Variants in AUTS2 observed in about 807,000 individuals in gnomAD.
AUTS2 encodes autism susceptibility gene 2 protein.
A neutral mutation model predicts 112.4 loss-of-function variants in AUTS2; 17 were observed. That is an observed-to-expected ratio of 0.15 (90% CI 0.10 to 0.23). The LOEUF (loss-of-function observed/expected upper bound fraction) is 0.23, where lower values mean the gene tolerates loss of function less well. AUTS2 is among the 10% of genes least tolerant of loss of function. AUTS2 has a pLI of 1.00. For missense variants in AUTS2, 1,510 were observed against 1,701.6 expected (o/e 0.89, Z 1.98); for synonymous variants, 751 against 702.7 (o/e 1.07, Z -1.09).
intron 1 of AUTS2, among the ~76,000 whole-genome samples, chr7:69,689,343 A>ATTTTTTT (rs530444257): frequency 5.4e-4 from 55 of 102,494 alleles, no homozygotes; most frequent in Non-Finnish European, 8.6e-4. Flanking sequence ...TAATTAATTA[A>ATTTTTTT]TTTTTTTTTT....
At chr7:70,604,921 A>T (rs1803651684) in intron 5 of AUTS2, among the ~76,000 whole-genome samples, 1 of 152,214 alleles carries the variant, frequency 6.6e-6, no homozygotes, top group South Asian at 2.1e-4. Flanking sequence ...CTTAATAATT[A>T]TTGCCATTCT....
At chr7:70,166,996 C>T (rs550632644) in intron 4 of AUTS2, among the ~76,000 whole-genome samples, 4 of 152,242 alleles carry the variant, frequency 2.6e-5, no homozygotes, top group Admixed American at 6.5e-5. Flanking sequence ...CTTTAGAAGT[C>T]GGCTGGATCA....
intron 1 of AUTS2, among the ~76,000 whole-genome samples, chr7:69,645,532 C>G (rs959577012): frequency 2.0e-5 from 3 of 152,150 alleles, no homozygotes; most frequent in African/African-American, 7.2e-5. Context: ...TCAATGTTTT[C>G]AGTAATTTTG....
intron 2 of AUTS2, among the ~76,000 whole-genome samples, chr7:70,051,291 G>A (rs1801742244): frequency 6.6e-6 from 1 of 152,308 alleles, no homozygotes; most frequent in South Asian, 2.1e-4. Context: ...TTTGTCTCCT[G>A]AATAAATCTG....
At position 69,752,541 on chromosome 7, in the gene AUTS2, C is replaced by T. The variant is rs186535084; in HGVS notation, c.310-146745C>T. Among the ~76,000 whole-genome samples, 11 of 152,238 alleles carry T rather than the reference C, an allele frequency of 7.2e-5. No individual in the cohort carries two copies. The East Asian group carries it at 1.5e-3, about 21-fold the overall frequency. ...TAAGTTTAAGGCTTTTAATCAATGC[C>T]GCTTGCACTCAGTATTTAAGGTCAG... On this transcript the variant is annotated intron_variant, in intron 1 of 18. Transcript: ENST00000342771.
chr7:70,252,451 G>C (rs536788390), intron 4 of AUTS2, among the ~76,000 whole-genome samples: 1 of 152,058 alleles, frequency 6.6e-6, no homozygotes, highest in South Asian at 2.1e-4. Flanking sequence ...TGGGTTATTT[G>C]TTTTATTGCT....
chr7:69,634,217 T>C (rs2851491), intron 1 of AUTS2, among the ~76,000 whole-genome samples: 92,672 of 150,818 alleles, frequency 0.61, 28,804 homozygotes, highest in East Asian at 0.7. Context: ...CCTCCCGGGT[T>C]CACGCCATTC....
chr7:70,311,226 C>T (rs1215038170), intron 4 of AUTS2, among the ~76,000 whole-genome samples: 3 of 152,156 alleles, frequency 2.0e-5, no homozygotes, highest in Non-Finnish European at 4.4e-5. Flanking sequence ...GCTGATCTTA[C>T]ATGATGTGAG....
At chr7:70,089,090 C>T in intron 2 of AUTS2, among the ~76,000 whole-genome samples, 1 of 152,102 alleles carries the variant, frequency 6.6e-6, no homozygotes, top group East Asian at 1.9e-4. Context: ...GCTGAATGTT[C>T]TATAAATGTC....
At chr7:69,806,843 G>T (rs1693174591) in intron 1 of AUTS2, among the ~76,000 whole-genome samples, 1 of 152,174 alleles carries the variant, frequency 6.6e-6, no homozygotes, top group African/African-American at 2.4e-5. Flanking sequence ...CCAAGTTAAA[G>T]AATTGTCATG....
intron 2 of AUTS2, among the ~76,000 whole-genome samples, chr7:69,961,181 C>T (rs1337976962): frequency 2.6e-5 from 4 of 152,106 alleles, no homozygotes; most frequent in Non-Finnish European, 5.9e-5. Context: ...GTTTGGCTAC[C>T]AGTGTCTCCA....
At chr7:70,137,516 T>G (rs1246700719) in intron 4 of AUTS2, among the ~76,000 whole-genome samples, 2 of 152,100 alleles carry the variant, frequency 1.3e-5, no homozygotes, top group Non-Finnish European at 2.9e-5. Flanking sequence ...CTTTTCAATT[T>G]AAACGTTTTA....
intron 5 of AUTS2, among the ~76,000 whole-genome samples, chr7:70,511,556 ATTTTCT>A (rs1799190093): frequency 9.6e-5 from 4 of 41,764 alleles, no homozygotes; most frequent in African/African-American, 3.9e-4. Flanking sequence ...ACTTTTTTTC[ATTTTCT>A]TTTTTTTTTT....
Position 70,763,312 on chromosome 7 carries a change from C to T in AUTS2, c.1185C>T (p.Asn395=). ...TCTCCCAGCCATTGTCAGCCTACAA[C>T]AGCAGTAGCTTAAGCCTCAACAGTT... ...QSLSQPLSAY[N]SSSLSLNSLS... The change falls in exon 7 of 19, where the codon AAC becomes AAT. Residue 395 remains asparagine (N), a synonymous_variant. Coordinates refer to ENST00000342771, the MANE Select transcript of AUTS2 (RefSeq NM_015570.4). 1 of 1,593,962 alleles carries T rather than the reference C, an allele frequency of 6.3e-7. No individual in the cohort carries two copies. Among genetic ancestry groups the T allele is most frequent in the Non-Finnish European group, 8.6e-7 (1 of 1,168,836 alleles).
intron 4 of AUTS2, among the ~76,000 whole-genome samples, chr7:70,288,494 C>T (rs764291074): frequency 1.6e-4 from 25 of 152,190 alleles, no homozygotes; most frequent in African/African-American, 2.4e-4. Context: ...TTCATTTACC[C>T]GCTCTATGCA....
intron 5 of AUTS2, among the ~76,000 whole-genome samples, chr7:70,561,796 G>A (rs1230673262): frequency 6.6e-6 from 1 of 152,136 alleles, no homozygotes; most frequent in African/African-American, 2.4e-5. Context: ...CGGGGGTCCT[G>A]CAGCAGATTG....
chr7:70,138,404 G>A lies in AUTS2; in HGVS notation c.660+3833G>A, dbSNP rs544809970. Among the ~76,000 whole-genome samples, 4 of 152,216 alleles carry A rather than the reference G, an allele frequency of 2.6e-5. No homozygotes were observed. The South Asian group carries it at 8.3e-4, about 32-fold the overall frequency. On this transcript the variant is annotated intron_variant, in intron 4 of 18. Transcript: ENST00000342771. ...CCATGTGGAGTTGGGAGCTACTTTT[G>A]GGGCAACTAACCAGCCAGGCAGAAC...
rs757402316 is a variant in AUTS2 at position 70,785,876 on chromosome 7, C to A, written c.2225-79C>A. 3 of 1,352,286 alleles carry A rather than the reference C, an allele frequency of 2.2e-6. No individual in the cohort carries two copies. The African/African-American group carries it at 4.3e-5, about 19-fold the overall frequency. The allele number at this position is 1,352,286 out of a possible 1,614,324, so 83.8% of individuals were successfully genotyped here. On this transcript the variant is annotated intron_variant, in intron 16 of 18. Coordinates refer to ENST00000342771, the MANE Select transcript of AUTS2 (RefSeq NM_015570.4). ...CGTAGAGAGGGCAGGGATCCCGCAT[C>A]GCCCTGCTCCCAGGAAGCTCTGGGT...
chr7:69,732,142 T>G (rs1344978643), intron 1 of AUTS2, among the ~76,000 whole-genome samples: 3 of 152,164 alleles, frequency 2.0e-5, no homozygotes, highest in Non-Finnish European at 4.4e-5. Context: ...ATTCAGTCTT[T>G]GGGGGCTAGT....
Sources: gnomAD v4.1 joint callset for allele counts (sites outside exome capture counted in the v4.1 genomes callset) on GRCh38, gnomAD v4.1.1 for gene constraint, MANE v1.5 for transcripts, NCBI Gene and HGNC (gene_info 2026-07-23, HGNC 2026-07-21) for gene names.